CCNE2: variants seen among roughly 807,000 people sequenced by gnomAD.
The protein encoded by CCNE2 is cyclin E2.
Under a neutral mutation model 56.8 loss-of-function variants are expected in CCNE2, and 18 were observed. That is an observed-to-expected ratio of 0.32 (90% CI 0.22 to 0.47). The LOEUF (loss-of-function observed/expected upper bound fraction) is 0.47. Among genes scored for constraint, CCNE2 ranks in the 20% least tolerant of loss-of-function variants. The pLI is 1.00. For missense variants in CCNE2, 371 were observed against 467.1 expected, an observed-to-expected ratio of 0.79 and a Z score of 1.90; for synonymous variants, 139 against 149.2, an observed-to-expected ratio of 0.93 and a Z score of 0.50.
rs150813858 is a variant in CCNE2, at chr8:94,881,183, A to G, written c.*449T>C. ...GTTTAAATTTAATTTTCAAGAACCA[A>G]ATTGCACTAGTCAAGAGTGTAGGAA... is the stretch of plus-strand genomic sequence containing the variant. On this transcript the variant is annotated 3_prime_UTR_variant, in exon 12 of 12. Transcript: ENST00000308108. The G allele has an allele frequency of 2.8e-4, 107 of 383,062 alleles. No homozygotes were observed. Among genetic ancestry groups the G allele is most frequent in the Non-Finnish European group, 4.2e-4 (90 of 216,698 alleles). 23.7% of individuals were successfully genotyped at this position (383,062 alleles called of 1,614,324 possible). A position where few individuals can be genotyped will look rare whatever the true frequency, so the allele number is the denominator to read the frequency against.
rs1259766587 is a variant in CCNE2 at position 94,892,956 on chromosome 8, G to A, written c.179C>T (p.Pro60Leu). The A allele has an allele frequency of 6.5e-7, 1 of 1,532,654 alleles. No individual in the cohort carries two copies. The highest frequency in any genetic ancestry group is 8.7e-7 in the Non-Finnish European group (1 of 1,153,228). The allele number at this position is 1,532,654 out of a possible 1,614,324, so 94.9% of individuals were successfully genotyped here. A position where few individuals can be genotyped will look rare whatever the true frequency, so the allele number is the denominator to read the frequency against. ...HQYEIRNCWP[P>L]VLSGGISPCI... is the part of the protein sequence containing the mutation. ...AGGACTGATCCCCCCAGATAATACA[G>A]GTGGCCAACAATTCTGTCATAAAAA... is the stretch of plus-strand genomic sequence containing the variant. The change falls in exon 5 of 12, where the codon CCT (proline) becomes CTT (leucine). Residue 60 changes from proline (P) to leucine (L), a missense_variant. Physicochemically the swap from Pro to Leu is moderately conservative, Grantham distance 98. Coordinates refer to ENST00000308108, the MANE Select transcript of CCNE2 (RefSeq NM_057749.3).
upstream of CCNE2, among the ~76,000 whole-genome samples, chr8:94,896,218 G>A (rs1452241782): frequency 6.7e-6 from 1 of 149,982 alleles, no homozygotes; most frequent in East Asian, 2.0e-4. Flanking sequence ...GGCCGGGTGG[G>A]AAGAAAGATC....
chr8:94,893,606 G>A (rs1330476664), intron 4 of CCNE2: 2 of 393,868 alleles, frequency 5.1e-6, no homozygotes, highest in African/African-American at 4.1e-5. Context: ...GGAACAAAGA[G>A]CAGTATATTG....
In CCNE2 at chr8:94,882,270, A is replaced by G; in HGVS notation, c.963T>C (p.Ile321=). Residue 321 remains isoleucine, a synonymous_variant, in exon 11 of 12, where the codon ATT becomes ATC. Coordinates refer to ENST00000308108, the MANE Select transcript of CCNE2 (RefSeq NM_057749.3). ...KKASGLEWDS[I]SECVDWMVPF... is the part of the protein sequence containing the mutation. ...GTACCATCCAATCTACACATTCTGA[A>G]ATACTGTCCCACTCCAAACCTAGAT... The G allele has an allele frequency of 6.2e-7, 1 of 1,609,692 alleles. No individual in the cohort carries two copies. Among genetic ancestry groups the G allele is most frequent in the Non-Finnish European group, 8.5e-7 (1 of 1,178,450 alleles).
intron 6 of CCNE2, 134 bp downstream of exon 6, chr8:94,890,281 A>T: frequency 1.5e-6 from 1 of 671,360 alleles, no homozygotes; most frequent in Non-Finnish European, 2.3e-6. Flanking sequence ...GCAATCAACT[A>T]CAGTAAGTAC....
In CCNE2 at chr8:94,882,300, AG is replaced by A; in HGVS notation, c.944-12del. ...TGTCCCACTCCAAACCTAGATAGATAGAAAAAAGTTAGAAAAGCATGAAGGT... is the reference window on the plus strand; with the variant it reads ...TGTCCCACTCCAAACCTAGATAGATAAAAAAAGTTAGAAAAGCATGAAGGT... On this transcript the variant is annotated splice_polypyrimidine_tract_variant and intron_variant, in intron 10 of 11. Transcript: ENST00000308108. 1.3e-6 allele frequency: 2 copies of A among 1,576,890 alleles called. No individual in the cohort carries two copies. The highest frequency in any genetic ancestry group is 4.5e-5 in the East Asian group (2 of 44,200).
chr8:94,889,695 TA>T (rs1817160747), intron 6 of CCNE2, among the ~76,000 whole-genome samples: 1 of 152,234 alleles, frequency 6.6e-6, no homozygotes, highest in Non-Finnish European at 1.5e-5. Flanking sequence ...TCTCTTGTCT[TA>T]AAGACAGACT....
upstream of CCNE2, chr8:94,895,258 T>A: frequency 1.0e-6 from 1 of 985,362 alleles, no homozygotes; most frequent in Non-Finnish European, 1.2e-6. Context: ...CCCGCACGCA[T>A]GCGCCTCAGA....
intron 4 of CCNE2, 127 bp from the exon 5 acceptor site, chr8:94,893,096 T>G: frequency 1.5e-6 from 1 of 674,872 alleles, no homozygotes; most frequent in Non-Finnish European, 2.4e-6. Flanking sequence ...GATGGCAATA[T>G]AGCTAATTTG....
In CCNE2 at chr8:94,890,393, A is replaced by C. The variant is rs151218768; in HGVS notation, c.453+22T>G. 17 of 1,542,394 alleles carry C rather than the reference A, an allele frequency of 1.1e-5. No homozygotes were observed. In the East Asian group the frequency reaches 3.2e-4, roughly 29 times the overall value. ...GTTTCCATCATACAGAGACAAAGGA[A>C]ATTTGTATTGCTGTAACATACCTCT... On this transcript the variant is annotated intron_variant, in intron 6 of 11. Coordinates refer to ENST00000308108, the MANE Select transcript of CCNE2 (RefSeq NM_057749.3).
At position 94,885,113 on chromosome 8, in the gene CCNE2, A is replaced by ACTTTAGGAGCAT. The variant is rs1226334701; in HGVS notation, c.773_784dup (p.Asp258_Lys261dup). 1 of 1,613,426 alleles carries ACTTTAGGAGCAT rather than the reference A, an allele frequency of 6.2e-7. No individual in the cohort carries two copies. The highest frequency in any genetic ancestry group is 1.7e-5 in the Admixed American group (1 of 60,022). ...TTCCTGAGAATACTGAGGTAGAAGA[A>ACTTTAGGAGCAT]CTTTAGGAGCATCTTTAAGAGCATC... On this transcript the variant is annotated inframe_insertion, in exon 9 of 12. Coordinates refer to ENST00000308108, the MANE Select transcript of CCNE2 (RefSeq NM_057749.3).
At chr8:94,890,380 C>T in intron 6 of CCNE2, 35 bp downstream of exon 6, 1 of 1,525,302 alleles carries the variant, frequency 6.6e-7, no homozygotes. Flanking sequence ...TTCCATCATA[C>T]AGAGACAAAG....
At chr8:94,887,499 C>T (rs549964197) in intron 7 of CCNE2, among the ~76,000 whole-genome samples, 28 of 151,514 alleles carry the variant, frequency 1.8e-4, no homozygotes, top group African/African-American at 5.8e-4. Flanking sequence ...AGTGAGACTT[C>T]GTCTCGAAAA....
Position 94,882,278 on chromosome 8 carries a change from C to T in CCNE2, c.955G>A (p.Asp319Asn). The T allele has an allele frequency of 6.2e-7, 1 of 1,606,856 alleles. No individual in the cohort carries two copies. Among genetic ancestry groups the T allele is most frequent in the Non-Finnish European group, 8.5e-7 (1 of 1,177,158 alleles). ...CAATCTACACATTCTGAAATACTGTCCCACTCCAAACCTAGATAGATAGAA... is the reference window on the plus strand; with the variant it reads ...CAATCTACACATTCTGAAATACTGTTCCACTCCAAACCTAGATAGATAGAA... ...VVKKASGLEW[D>N]SISECVDWMV... Residue 319 changes from aspartate to asparagine, a missense_variant, in exon 11 of 12, where the codon GAC becomes AAC. Physicochemically the swap from Asp to Asn is conservative, Grantham distance 23. Transcript: ENST00000308108.
Position 94,881,479 on chromosome 8 carries a change from A to G in CCNE2, c.*153T>C, listed in dbSNP as rs1267637557. ...ATAATTAAATGTATTCTTTAGTGCCAATTGTAAGTTTTAAAATCAGAATGG... is the reference window on the plus strand; with the variant it reads ...ATAATTAAATGTATTCTTTAGTGCCGATTGTAAGTTTTAAAATCAGAATGG... On this transcript the variant is annotated 3_prime_UTR_variant, in exon 12 of 12. Transcript: ENST00000308108. 2 of 665,962 alleles carry G rather than the reference A, an allele frequency of 3.0e-6. No homozygotes were observed. The highest frequency in any genetic ancestry group is 3.6e-5 in the African/African-American group (2 of 54,850). The allele number at this position is 665,962 out of a possible 1,614,324, so 41.3% of individuals were successfully genotyped here.
intron 1 of CCNE2, chr8:94,894,648 G>A (rs1191776492): frequency 2.3e-5 from 4 of 172,006 alleles, no homozygotes; most frequent in Non-Finnish European, 2.5e-5. Flanking sequence ...GAGGCGAAAT[G>A]CTGTGGAGAA....
chr8:94,892,711 T>C (rs1353159518), intron 5 of CCNE2, 107 bp downstream of exon 5: 3 of 609,874 alleles, frequency 4.9e-6, no homozygotes, highest in Non-Finnish European at 7.9e-6. Context: ...TAGTAAACAA[T>C]TTTTACACGT....
chr8:94,886,452 A>C (rs1326005545), intron 7 of CCNE2, among the ~76,000 whole-genome samples: 1 of 152,118 alleles, frequency 6.6e-6, no homozygotes, highest in Non-Finnish European at 1.5e-5. Flanking sequence ...CACACCTATA[A>C]GCCCAGCACT....
intron 7 of CCNE2, among the ~76,000 whole-genome samples, chr8:94,887,706 A>T (rs1416298362): frequency 6.6e-6 from 1 of 152,234 alleles, no homozygotes; most frequent in African/African-American, 2.4e-5. Context: ...CTAATCCCAG[A>T]ATCTAAACTA....
Sources: gnomAD v4.1 joint callset for allele counts (sites outside exome capture counted in the v4.1 genomes callset) on GRCh38, gnomAD v4.1.1 for gene constraint, MANE v1.5 for transcripts, NCBI Gene and HGNC (gene_info 2026-07-23, HGNC 2026-07-21) for gene names.